COXFA4: variants seen among roughly 807,000 people sequenced by gnomAD.
The protein encoded by COXFA4 is cytochrome c oxidase subunit FA4.
At chr7:10,934,385 A>AAAAC in the COXFA4 span, among the ~76,000 whole-genome samples, 2 of 151,656 alleles carry the variant, frequency 1.3e-5, no homozygotes, top group African/African-American at 2.4e-5. Flanking sequence ...TTAAAAAAAA[A>AAAAC]AAAAAAAAAC....
the COXFA4 span, among the ~76,000 whole-genome samples, chr7:10,934,471 C>T: frequency 2.1e-4 from 32 of 150,498 alleles, no homozygotes; most frequent in African/African-American, 6.9e-4. Context: ...CATATTAATG[C>T]TTGTACACAA....
At chr7:10,938,524 G>C in the COXFA4 span, 4 of 427,764 alleles carry the variant, frequency 9.4e-6, no homozygotes, top group Non-Finnish European at 1.7e-5. Flanking sequence ...CGAGAACCAT[G>C]ATTATTTTAT....
chr7:10,934,946 T>G, the COXFA4 span, among the ~76,000 whole-genome samples: 1 of 152,166 alleles, frequency 6.6e-6, no homozygotes. Flanking sequence ...ATTAACAAAA[T>G]ATCAGAAATA....
At chr7:10,937,131 G>C in the COXFA4 span, among the ~76,000 whole-genome samples, 2 of 152,132 alleles carry the variant, frequency 1.3e-5, no homozygotes, top group African/African-American at 4.8e-5. Context: ...CGGGGACCCT[G>C]TTCTTCAGAG....
chr7:10,933,564 A>T, the COXFA4 span: 1 of 1,170,302 alleles, frequency 8.5e-7, no homozygotes, highest in South Asian at 1.2e-5. Context: ...TTCCTGGTTA[A>T]GTGGAAAATT....
At chr7:10,935,030 G>A in the COXFA4 span, among the ~76,000 whole-genome samples, 3,365 of 152,260 alleles carry the variant, frequency 0.022, 129 homozygotes, top group African/African-American at 0.077. Flanking sequence ...CCCAGGCACC[G>A]GGCTAGATGC....
At chr7:10,939,088 G>T in the COXFA4 span, 1 of 519,528 alleles carries the variant, frequency 1.9e-6, no homozygotes, top group Non-Finnish European at 3.5e-6. Flanking sequence ...AGAAAGAAAT[G>T]GAATTTGGAA....
the COXFA4 span, chr7:10,933,279 A>T: frequency 4.1e-5 from 8 of 194,420 alleles, no homozygotes; most frequent in East Asian, 1.1e-3. Flanking sequence ...TCCAGTTGTT[A>T]TGTATGCTCT....
chr7:10,936,132 G>A, the COXFA4 span, among the ~76,000 whole-genome samples: 120 of 152,228 alleles, frequency 7.9e-4, no homozygotes, highest in African/African-American at 2.8e-3. Context: ...TACCTGAATG[G>A]GTTTAGAAAA....
the COXFA4 span, chr7:10,939,078 A>G: frequency 1.8e-6 from 1 of 544,668 alleles, no homozygotes; most frequent in Non-Finnish European, 3.3e-6. Context: ...TGTGTTCTAA[A>G]GAAAGAAATG....
At chr7:10,932,963 C>CAA in the COXFA4 span, 38 of 121,106 alleles carry the variant, frequency 3.1e-4, no homozygotes, top group African/African-American at 6.0e-4. Context: ...GAGACTATCT[C>CAA]AAAAAAAAAA....
chr7:10,938,849 T>A, the COXFA4 span: 1 of 1,613,704 alleles, frequency 6.2e-7, no homozygotes, highest in African/African-American at 1.3e-5. Flanking sequence ...AGAGATACAG[T>A]GTTGCTCCAG....
At chr7:10,934,761 C>T in the COXFA4 span, among the ~76,000 whole-genome samples, 1 of 152,108 alleles carries the variant, frequency 6.6e-6, no homozygotes, top group African/African-American at 2.4e-5. Context: ...GGTTGTAAAG[C>T]TTATTACCAA....
At chr7:10,940,105 A>C in the COXFA4 span, 2 of 1,588,668 alleles carry the variant, frequency 1.3e-6, no homozygotes, top group Admixed American at 1.7e-5. Flanking sequence ...CGACCTAGCC[A>C]CCAGGCCCTA....
At chr7:10,937,273 C>T in the COXFA4 span, among the ~76,000 whole-genome samples, 19 of 151,528 alleles carry the variant, frequency 1.3e-4, no homozygotes, top group African/African-American at 4.4e-4. Context: ...TTAATGAAGC[C>T]GCCCTTGGTT....
At chr7:10,936,523 G>C in the COXFA4 span, among the ~76,000 whole-genome samples, 1 of 152,130 alleles carries the variant, frequency 6.6e-6, no homozygotes, top group African/African-American at 2.4e-5. Context: ...AATGGACTTA[G>C]TTTAAACAAA....
chr7:10,938,731 T>C, the COXFA4 span: 109 of 996,884 alleles, frequency 1.1e-4, no homozygotes, highest in Middle Eastern at 3.0e-4. Flanking sequence ...TACCCTAATG[T>C]TATCGCCCTA....
At chr7:10,939,721 C>G in the COXFA4 span, 1 of 472,330 alleles carries the variant, frequency 2.1e-6, no homozygotes, top group South Asian at 2.1e-5. Context: ...GACCGCACAA[C>G]CTGCAAAAGA....
chr7:10,933,739 G>C, the COXFA4 span: 3 of 1,344,466 alleles, frequency 2.2e-6, no homozygotes, highest in Non-Finnish European at 3.2e-6. Context: ...AATACACAGA[G>C]ACGGTACAAA....
Sources: allele counts gnomAD v4.1 joint callset (sites outside exome capture counted in the v4.1 genomes callset), GRCh38; gene constraint gnomAD v4.1.1; transcripts MANE v1.5; gene names NCBI Gene and HGNC (gene_info 2026-07-23, HGNC 2026-07-21).